TBX15: variants seen among roughly 807,000 people sequenced by gnomAD.
TBX15 encodes the protein T-box transcription factor TBX15.
A neutral mutation model predicts 53.9 loss-of-function variants in TBX15; 18 were observed. That is an observed-to-expected ratio of 0.33 (90% CI 0.23 to 0.49). The LOEUF (loss-of-function observed/expected upper bound fraction) is 0.49, where lower values mean the gene tolerates loss of function less well. Among genes scored for constraint, TBX15 ranks in the 20% least tolerant of loss-of-function variants. TBX15 has a pLI of 0.98. For synonymous variants in TBX15, 295 were observed against 278.0 expected, an observed-to-expected ratio of 1.06 and a Z score of -0.61; for missense variants, 692 against 749.5, an observed-to-expected ratio of 0.92 and a Z score of 0.90.
chr1:118,945,970 C>A (rs1463420538), intron 1 of TBX15, among the ~76,000 whole-genome samples: 1 of 152,128 alleles, frequency 6.6e-6, no homozygotes, highest in Non-Finnish European at 1.5e-5. Flanking sequence ...TATACATATT[C>A]TACATATAAT....
chr1:118,930,155 A>T lies in TBX15; in HGVS notation c.419+1464T>A, dbSNP rs185677563. 2.0e-5 allele frequency among the ~76,000 whole-genome samples: 3 copies of T among 152,356 alleles called. No homozygotes were observed. The East Asian group carries it at 5.8e-4, about 29-fold the overall frequency. Reference sequence around the variant, plus strand: ...TTTATTTTAACTTCATGTTTTTGTCATATCTTATTGTTTTGGGAGGTTTCC... The same window carrying T: ...TTTATTTTAACTTCATGTTTTTGTCTTATCTTATTGTTTTGGGAGGTTTCC... On this transcript the variant is annotated intron_variant, in intron 2 of 7. Coordinates refer to ENST00000369429, the MANE Select transcript of TBX15 (RefSeq NM_001330677.2).
chr1:118,926,564 T>A lies in TBX15; in HGVS notation c.467A>T (p.His156Leu). The part of the protein sequence containing the change: ...MRVKITGLDP[H>L]QQYYIAMDIV... ...GTCCATTGCTATGTAGTACTGCTGATGTGGATCTAGGCCAGTGATTTTCAC... is the reference window on the plus strand; with the variant it reads ...GTCCATTGCTATGTAGTACTGCTGAAGTGGATCTAGGCCAGTGATTTTCAC... Residue 156 changes from histidine (H) to leucine (L), a missense_variant, in exon 3 of 8, where the codon CAT (histidine) becomes CTT (leucine). By Grantham distance (99) the His-to-Leu change is moderately conservative. Around this residue, in one of 3 missense-constraint regions of TBX15, gnomAD observed 307 missense variants for 347.5 expected, o/e 0.88. Coordinates refer to ENST00000369429, the MANE Select transcript of TBX15 (RefSeq NM_001330677.2). 6.2e-7 allele frequency: 1 copy of A among 1,614,016 alleles called. No individual in the cohort carries two copies. The highest frequency in any genetic ancestry group is 1.1e-5 in the South Asian group (1 of 91,074).
chr1:118,971,012 T>C (rs186827563), intron 1 of TBX15, among the ~76,000 whole-genome samples: 2 of 152,346 alleles, frequency 1.3e-5, no homozygotes, highest in East Asian at 3.9e-4. Context: ...CACTTCTGTT[T>C]AAGAACACTA....
At chr1:118,986,966 A>G (rs1488730240) in intron 1 of TBX15, among the ~76,000 whole-genome samples, 1 of 152,236 alleles carries the variant, frequency 6.6e-6, no homozygotes, top group African/African-American at 2.4e-5. Flanking sequence ...GTAGGATCTG[A>G]GACACAAATC....
chr1:118,894,239 A>G (rs1654315068), intron 7 of TBX15, among the ~76,000 whole-genome samples: 1 of 152,186 alleles, frequency 6.6e-6, no homozygotes, highest in African/African-American at 2.4e-5. Context: ...AGTAGTAATA[A>G]TAGCAATAAT....
chr1:118,931,612 T>A lies in TBX15; in HGVS notation c.419+7A>T, dbSNP rs1010987855. Reference sequence around the variant, plus strand: ...GAATCTGGCCACTCAAAGGAATTTGTCCTTACCTGCCTGCTTTGGTGATGA... The same window carrying A: ...GAATCTGGCCACTCAAAGGAATTTGACCTTACCTGCCTGCTTTGGTGATGA... On this transcript the variant is annotated splice_region_variant and intron_variant, in intron 2 of 7. Transcript: ENST00000369429. 6.2e-7 allele frequency: 1 copy of A among 1,613,860 alleles called. No homozygotes were observed.
Position 118,922,038 on chromosome 1 carries a change from G to A in TBX15, c.861+1398C>T, listed in dbSNP as rs576996943. Among the ~76,000 whole-genome samples the A allele has an allele frequency of 3.9e-5, 6 of 152,250 alleles. No individual in the cohort carries two copies. The South Asian group carries it at 1.2e-3, about 32-fold the overall frequency. ...CAGGATTCCTGGGGGAAAGACCCGAGGTTATTTTGTATTACTAGAAGGTAC... is the reference window on the plus strand; with the variant it reads ...CAGGATTCCTGGGGGAAAGACCCGAAGTTATTTTGTATTACTAGAAGGTAC... On this transcript the variant is annotated intron_variant, in intron 5 of 7. Transcript: ENST00000369429.
At chr1:118,958,975 C>G (rs992061568) in intron 1 of TBX15, among the ~76,000 whole-genome samples, 1 of 150,814 alleles carries the variant, frequency 6.6e-6, no homozygotes, top group African/African-American at 2.4e-5. Context: ...TAGGGAGGCT[C>G]TCTAATTTGG....
intron 1 of TBX15, among the ~76,000 whole-genome samples, chr1:118,943,018 G>C (rs1656236738): frequency 1.3e-5 from 2 of 152,164 alleles, no homozygotes; most frequent in African/African-American, 4.8e-5. Flanking sequence ...ACCTCCTTTA[G>C]AATTCCACAG....
At chr1:118,962,234 G>A (rs1656900803) in intron 1 of TBX15, among the ~76,000 whole-genome samples, 1 of 152,162 alleles carries the variant, frequency 6.6e-6, no homozygotes, top group African/African-American at 2.4e-5. Context: ...GGCTATGTGA[G>A]CTTACAATTT....
chr1:118,925,508 G>T (rs952338450), intron 3 of TBX15, among the ~76,000 whole-genome samples: 2 of 152,180 alleles, frequency 1.3e-5, no homozygotes, highest in African/African-American at 2.4e-5. Context: ...CTGGAAAAAA[G>T]ACATTGTTTG....
chr1:118,945,814 A>G (rs879337808), intron 1 of TBX15, among the ~76,000 whole-genome samples: 28 of 152,230 alleles, frequency 1.8e-4, no homozygotes, highest in Non-Finnish European at 3.4e-4. Flanking sequence ...TCAGATATTC[A>G]GAGTCAATGG....
At chr1:118,972,895 C>A (rs988897080) in intron 1 of TBX15, among the ~76,000 whole-genome samples, 4 of 152,110 alleles carry the variant, frequency 2.6e-5, no homozygotes, top group African/African-American at 4.8e-5. Context: ...CCACCATGCC[C>A]GGCCAAATGG....
At chr1:118,939,653 C>T (rs992251067) in intron 1 of TBX15, among the ~76,000 whole-genome samples, 5 of 151,606 alleles carry the variant, frequency 3.3e-5, no homozygotes, top group African/African-American at 1.2e-4. Context: ...GCAATATTCC[C>T]ATGTAACAAA....
chr1:118,924,306 GC>G, intron 4 of TBX15, among the ~76,000 whole-genome samples: 1 of 152,210 alleles, frequency 6.6e-6, no homozygotes, highest in African/African-American at 2.4e-5. Flanking sequence ...TTGTTTTATA[GC>G]CTTGTGGGTT....
At chr1:118,967,927 C>T (rs1033725165) in intron 1 of TBX15, among the ~76,000 whole-genome samples, 1 of 152,204 alleles carries the variant, frequency 6.6e-6, no homozygotes, top group African/African-American at 2.4e-5. Flanking sequence ...TGTAATCAGA[C>T]ATTACTTACT....
chr1:118,942,412 G>C (rs1361484121), intron 1 of TBX15, among the ~76,000 whole-genome samples: 1 of 152,228 alleles, frequency 6.6e-6, no homozygotes, highest in African/African-American at 2.4e-5. Flanking sequence ...AGTAAGAGAA[G>C]AGATATAGCC....
At chr1:118,895,858 T>C (rs887300372) in intron 7 of TBX15, among the ~76,000 whole-genome samples, 2 of 152,154 alleles carry the variant, frequency 1.3e-5, no homozygotes, top group African/African-American at 2.4e-5. Context: ...AAAGCTGTAG[T>C]AAGAAAGAAT....
intron 1 of TBX15, among the ~76,000 whole-genome samples, chr1:118,958,628 A>G (rs990218302): frequency 6.6e-6 from 1 of 152,094 alleles, no homozygotes; most frequent in East Asian, 1.9e-4. Context: ...AACACAGTCT[A>G]TGACTCCATT....
Sources: allele counts gnomAD v4.1 joint callset (sites outside exome capture counted in the v4.1 genomes callset), GRCh38; gene constraint gnomAD v4.1.1; regional missense constraint gnomAD v4.1.1; transcripts MANE v1.5; gene names NCBI Gene and HGNC (gene_info 2026-07-23, HGNC 2026-07-21).